Variants in CSMD1 observed in about 807,000 individuals in gnomAD.
CSMD1 encodes the protein CUB and Sushi multiple domains 1.
CSMD1 carries 213 observed loss-of-function variants against 417.5 expected under a neutral mutation model. That is an observed-to-expected ratio of 0.51 (90% CI 0.46 to 0.57). The LOEUF is 0.57. Ranked by LOEUF, CSMD1 falls within the 20% of genes least tolerant of loss-of-function variation. CSMD1 has a pLI of 0.00. For missense variants in CSMD1, 6,923 were observed against 4,529.7 expected, an observed-to-expected ratio of 1.53 and a Z score of -15.17; for synonymous variants, 2,862 against 1,736.8, an observed-to-expected ratio of 1.65 and a Z score of -16.11.
At chr8:4,335,147 C>T (rs897358266) in intron 3 of CSMD1, among the ~76,000 whole-genome samples, 5 of 151,986 alleles carry the variant, frequency 3.3e-5, no homozygotes. Context: ...AGTGATTCAC[C>T]CTCCTCACAG....
At chr8:3,291,421 C>G (rs1803550213) in intron 25 of CSMD1, among the ~76,000 whole-genome samples, 1 of 152,046 alleles carries the variant, frequency 6.6e-6, no homozygotes, top group Non-Finnish European at 1.5e-5. Context: ...CTTTTTGTAC[C>G]TCTGGCAGAA....
intron 2 of CSMD1, among the ~76,000 whole-genome samples, chr8:4,533,412 A>C (rs1796940317): frequency 6.6e-6 from 1 of 152,202 alleles, no homozygotes; most frequent in South Asian, 2.1e-4. Flanking sequence ...ATGGACGGAC[A>C]AAAAAGGGGA....
intron 41 of CSMD1, among the ~76,000 whole-genome samples, chr8:3,122,133 A>G (rs553934344): frequency 4.6e-5 from 7 of 152,250 alleles, no homozygotes; most frequent in Middle Eastern, 3.4e-3. Context: ...CTATCTTTTG[A>G]GATGTAATCT....
At position 3,746,048 on chromosome 8, in the gene CSMD1, G is replaced by C. The variant is rs563281278; in HGVS notation, c.931+7882C>G. Among the ~76,000 whole-genome samples, 8 of 152,020 alleles carry C rather than the reference G, an allele frequency of 5.3e-5. No homozygotes were observed. In the South Asian group the frequency reaches 1.2e-3, roughly 24 times the overall value. ...CATGCTTACCGTTCCAAAGCACACC[G>C]CTACCTACAAGAGGTACACACGGAC... is the stretch of plus-strand genomic sequence containing the variant. On this transcript the variant is annotated intron_variant, in intron 6 of 69. Transcript: ENST00000635120.
intron 11 of CSMD1, among the ~76,000 whole-genome samples, chr8:3,487,977 C>T (rs994241159): frequency 1.3e-5 from 2 of 151,144 alleles, no homozygotes; most frequent in Non-Finnish European, 2.9e-5. Flanking sequence ...ATTTACTTTC[C>T]AGACACAGAA....
At chr8:3,752,640 C>G (rs925681606) in intron 6 of CSMD1, among the ~76,000 whole-genome samples, 2 of 127,114 alleles carry the variant, frequency 1.6e-5, no homozygotes, top group Non-Finnish European at 3.1e-5. Flanking sequence ...GACAACAGAG[C>G]AAGACTCTGT....
chr8:4,308,221 G>C (rs1212159324), intron 3 of CSMD1, among the ~76,000 whole-genome samples: 2 of 152,132 alleles, frequency 1.3e-5, no homozygotes, highest in Non-Finnish European at 2.9e-5. Flanking sequence ...TGTGGGATGT[G>C]TGTGGTATGC....
chr8:3,909,321 T>C (rs1004816220), intron 5 of CSMD1, among the ~76,000 whole-genome samples: 49 of 152,228 alleles, frequency 3.2e-4, no homozygotes, highest in African/African-American at 1.1e-3. Flanking sequence ...CCTAGGGTGA[T>C]TCGTGTGGGC....
chr8:4,944,888 G>A (rs1490477531), intron 1 of CSMD1, among the ~76,000 whole-genome samples: 1 of 151,892 alleles, frequency 6.6e-6, no homozygotes, highest in African/African-American at 2.4e-5. Context: ...TATAATAGAG[G>A]AATCCACTTC....
At chr8:4,184,321 A>G (rs568531599) in intron 3 of CSMD1, among the ~76,000 whole-genome samples, 4 of 152,276 alleles carry the variant, frequency 2.6e-5, no homozygotes, top group African/African-American at 7.2e-5. Context: ...ACTCTTAAAC[A>G]TGAGTTTTAG....
intron 1 of CSMD1, among the ~76,000 whole-genome samples, chr8:4,866,435 G>T (rs1485997138): frequency 6.6e-6 from 1 of 151,836 alleles, no homozygotes; most frequent in Non-Finnish European, 1.5e-5. Flanking sequence ...CTTGATAAAA[G>T]AAGTTTGTTC....
chr8:3,250,938 A>T (rs1197604064), intron 26 of CSMD1, among the ~76,000 whole-genome samples: 1 of 151,962 alleles, frequency 6.6e-6, no homozygotes, highest in Non-Finnish European at 1.5e-5. Context: ...AATTTGTTTG[A>T]GTTCATTGTA....
intron 5 of CSMD1, among the ~76,000 whole-genome samples, chr8:3,987,952 C>G (rs907297062): frequency 6.6e-6 from 1 of 152,114 alleles, no homozygotes; most frequent in South Asian, 2.1e-4. Flanking sequence ...CTGAGAAATC[C>G]ACAACAAAGG....
At chr8:4,140,955 G>C (rs575705643) in intron 3 of CSMD1, among the ~76,000 whole-genome samples, 2 of 151,198 alleles carry the variant, frequency 1.3e-5, no homozygotes, top group East Asian at 1.9e-4. Context: ...AAAAGTCCTC[G>C]TATCTCAATA....
chr8:4,356,985 G>A (rs910563297), intron 3 of CSMD1, among the ~76,000 whole-genome samples: 1 of 152,166 alleles, frequency 6.6e-6, no homozygotes, highest in African/African-American at 2.4e-5. Flanking sequence ...ATGTGAATAT[G>A]TGAATATATG....
intron 26 of CSMD1, among the ~76,000 whole-genome samples, chr8:3,258,595 T>C (rs2117075222): frequency 6.6e-6 from 1 of 152,330 alleles, no homozygotes; most frequent in Non-Finnish European, 1.5e-5. Context: ...TTATTGGGTA[T>C]ATGCCCAAGG....
chr8:4,617,371 C>T lies in CSMD1; in HGVS notation c.302+19971G>A, dbSNP rs139353849. On this transcript the variant is annotated intron_variant, in intron 2 of 69. Coordinates refer to ENST00000635120, the MANE Select transcript of CSMD1 (RefSeq NM_033225.6). ...GAATGTAAACAGAGCTGATTACAAC[C>T]TCATCTAACACTGGACTCCAATAAC... Among the ~76,000 whole-genome samples, 29 of 152,260 alleles carry T rather than the reference C, an allele frequency of 1.9e-4. No homozygotes were observed. In the East Asian group the frequency reaches 5.2e-3, roughly 27 times the overall value.
At chr8:4,857,096 T>A (rs12549044) in intron 1 of CSMD1, among the ~76,000 whole-genome samples, 1 of 147,162 alleles carries the variant, frequency 6.8e-6, no homozygotes, top group East Asian at 2.0e-4. Flanking sequence ...CAAACTAGAA[T>A]TCAGGATTAA....
intron 12 of CSMD1, among the ~76,000 whole-genome samples, chr8:3,425,669 T>C (rs762388283): frequency 2.0e-5 from 3 of 152,018 alleles, no homozygotes; most frequent in African/African-American, 4.8e-5. Flanking sequence ...CAGAGAGTTT[T>C]CATTACTCTT....
Sources: allele counts gnomAD v4.1 joint callset (sites outside exome capture counted in the v4.1 genomes callset), GRCh38; gene constraint gnomAD v4.1.1; transcripts MANE v1.5; gene names NCBI Gene and HGNC (gene_info 2026-07-23, HGNC 2026-07-21).